The following ARHGAP39 variants were observed in gnomAD, a reference collection of about 807,000 sequenced individuals.
ARHGAP39 encodes Rho GTPase activating protein 39.
Under a neutral mutation model 106.9 loss-of-function variants are expected in ARHGAP39, and 44 were observed. The ratio of observed to expected loss-of-function variants is 0.41; its 90% CI spans 0.32 to 0.53. The LOEUF is 0.53. ARHGAP39 is among the 20% of genes least tolerant of loss of function. The probability of loss-of-function intolerance (pLI) is 0.21; values close to 1 mark genes in which losing one functional copy is unlikely to be tolerated. For missense variants in ARHGAP39, 1,496 were observed against 1,577.3 expected (o/e 0.95, Z 0.87); for synonymous variants, 768 against 693.2 (o/e 1.11, Z -1.69).
chr8:144,688,105 CTTT>C (rs201473241), upstream of ARHGAP39, among the ~76,000 whole-genome samples: 215 of 140,206 alleles, frequency 1.5e-3, 1 homozygote, highest in Middle Eastern at 0.019. Flanking sequence ...ACATTTAACT[CTTT>C]TTTTTTTTTT....
chr8:144,688,061 A>C (rs1822669056), upstream of ARHGAP39, among the ~76,000 whole-genome samples: 1 of 152,080 alleles, frequency 6.6e-6, no homozygotes, highest in African/African-American at 2.4e-5. Context: ...CCACACACTT[A>C]ACTAATTAAA....
intron 2 of ARHGAP39, among the ~76,000 whole-genome samples, chr8:144,592,080 A>G (rs1370301602): frequency 6.6e-6 from 1 of 152,194 alleles, no homozygotes; most frequent in East Asian, 1.9e-4. Context: ...AAGAAGTAAT[A>G]CCAATTGTTA....
rs368600508 is a variant in ARHGAP39 at position 144,649,341 on chromosome 8, T to C, written c.-82+36345A>G. 2.5e-3 allele frequency among the ~76,000 whole-genome samples: 385 copies of C among 151,842 alleles called. 2 individuals carry two copies. Among genetic ancestry groups the C allele is most frequent in the African/African-American group, 8.9e-3 (369 of 41,436 alleles). On this transcript the variant is annotated intron_variant, in intron 1 of 11. Transcript: ENST00000377307. ...GGCGGGCGCCTGTAGTCCCAGCTAC[T>C]TGGGAGGCTGAGGCAGGAGAATGGC...
At position 144,530,518 on chromosome 8, in the gene ARHGAP39, G is replaced by A; in HGVS notation, c.3249C>T (p.Asp1083=). 6.2e-7 allele frequency: 1 copy of A among 1,612,200 alleles called. No homozygotes were observed. The highest frequency in any genetic ancestry group is 8.5e-7 in the Non-Finnish European group (1 of 1,179,730). The change falls in exon 12 of 12, where the codon GAC becomes GAT. Residue 1083 remains aspartate (D), a synonymous_variant. Coordinates refer to ENST00000377307, the MANE Select transcript of ARHGAP39 (RefSeq NM_025251.3). ...APNCLRCQSD[D]PRVIFENTRK... ...GGGTGTTCTCGAAGATGACGCGCGGGTCGTCGGACTGGCAGCGCAAGCAGT... is the reference window on the plus strand; with the variant it reads ...GGGTGTTCTCGAAGATGACGCGCGGATCGTCGGACTGGCAGCGCAAGCAGT...
intron 2 of ARHGAP39, among the ~76,000 whole-genome samples, chr8:144,582,122 C>T (rs1819014643): frequency 6.6e-6 from 1 of 152,116 alleles, no homozygotes; most frequent in Admixed American, 6.5e-5. Context: ...TGCACTAATC[C>T]CAGGGGCTCA....
At chr8:144,533,001 G>T in intron 9 of ARHGAP39, 125 bp downstream of exon 9, 2 of 1,184,598 alleles carry the variant, frequency 1.7e-6, no homozygotes, top group Non-Finnish European at 2.4e-6. Flanking sequence ...CCTTCCATCT[G>T]CTCTCAGGTA....
chr8:144,679,702 C>T lies in ARHGAP39; in HGVS notation c.-82+5984G>A, dbSNP rs141059590. 2.7e-4 allele frequency among the ~76,000 whole-genome samples: 41 copies of T among 152,322 alleles called. No individual in the cohort carries two copies. The East Asian group carries it at 6.9e-3, about 26-fold the overall frequency. On this transcript the variant is annotated intron_variant, in intron 1 of 11. Coordinates refer to ENST00000377307, the MANE Select transcript of ARHGAP39 (RefSeq NM_025251.3). This position sits in a 1 kb window ranked among gnomAD's most constrained non-coding sequence, Gnocchi z 4.7. The stretch of plus-strand genomic sequence containing the variant: ...TTAGCTAGAAAATTAAAATCTAGGC[C>T]GGGCGCAGTGTCTCACGCCTGTAAT...
At chr8:144,610,604 C>T (rs1292895523) in intron 1 of ARHGAP39, among the ~76,000 whole-genome samples, 1 of 151,690 alleles carries the variant, frequency 6.6e-6, no homozygotes, top group Non-Finnish European at 1.5e-5. Flanking sequence ...CCCAGCAACT[C>T]GAAAGGCTGA....
chr8:144,532,253 A>C (rs1381015322), intron 10 of ARHGAP39, 52 bp downstream of exon 10: 2 of 1,571,064 alleles, frequency 1.3e-6, no homozygotes, highest in East Asian at 4.5e-5. Context: ...GGCCCCTGAG[A>C]ACCACTGCCT....
At chr8:144,648,601 C>A (rs1260038023) in intron 1 of ARHGAP39, among the ~76,000 whole-genome samples, 1 of 152,176 alleles carries the variant, frequency 6.6e-6, no homozygotes, top group Non-Finnish European at 1.5e-5. Flanking sequence ...AAGTTCCACT[C>A]AACAAGAACA....
At chr8:144,580,758 G>GGGGGGGGGGCCCCCCCC in intron 3 of ARHGAP39, 88 bp downstream of exon 3, 1 of 185,576 alleles carries the variant, frequency 5.4e-6, no homozygotes, top group Non-Finnish European at 1.1e-5. Flanking sequence ...CTCTCACCTG[G>GGGGGGGGGGCCCCCCCC]CCCCGCCCAC....
Position 144,555,418 on chromosome 8 carries a change from C to A in ARHGAP39, c.596+142G>T. On this transcript the variant is annotated intron_variant, in intron 4 of 11. Coordinates refer to ENST00000377307, the MANE Select transcript of ARHGAP39 (RefSeq NM_025251.3). The stretch of plus-strand genomic sequence containing the variant: ...AAGGGGCTCCTGTCCAGGCCCCTGG[C>A]CCTGTGGCCTCCACGGCCTTTCCAG... 14 of 747,776 alleles carry A rather than the reference C, an allele frequency of 1.9e-5. No individual in the cohort carries two copies. The South Asian group carries it at 2.2e-4, about 12-fold the overall frequency. The allele number at this position is 747,776 out of a possible 1,614,324, so 46.3% of individuals were successfully genotyped here. A position where few individuals can be genotyped will look rare whatever the true frequency, so the allele number is the denominator to read the frequency against.
chr8:144,628,608 C>A (rs1291323838), intron 1 of ARHGAP39, among the ~76,000 whole-genome samples: 1 of 152,180 alleles, frequency 6.6e-6, no homozygotes, highest in African/African-American at 2.4e-5. Context: ...GGTGGGCAGA[C>A]AACAAAACAA....
At chr8:144,680,780 A>G (rs966655206) in intron 1 of ARHGAP39, among the ~76,000 whole-genome samples, 1 of 152,246 alleles carries the variant, frequency 6.6e-6, no homozygotes, top group Admixed American at 6.5e-5. Context: ...CCAATGGATC[A>G]TAATAGCGGC....
chr8:144,544,171 GA>G (rs1383450582), intron 6 of ARHGAP39, among the ~76,000 whole-genome samples: 7 of 152,216 alleles, frequency 4.6e-5, no homozygotes, highest in Non-Finnish European at 1.0e-4. Flanking sequence ...ATCTTGTGTT[GA>G]AAAGTCGGGT....
At chr8:144,538,822 C>A (rs2086360) in intron 6 of ARHGAP39, among the ~76,000 whole-genome samples, 3,259 of 152,138 alleles carry the variant, frequency 0.021, 108 homozygotes, top group African/African-American at 0.075. Context: ...CCACCCACCT[C>A]GGCCTCCCAA....
intron 2 of ARHGAP39, among the ~76,000 whole-genome samples, chr8:144,598,418 A>T (rs937876268): frequency 3.3e-5 from 5 of 152,194 alleles, no homozygotes; most frequent in Admixed American, 2.6e-4. Flanking sequence ...GAAGGAGCAG[A>T]AGAGACTCTC....
chr8:144,636,726 C>T (rs1361368331), intron 1 of ARHGAP39, among the ~76,000 whole-genome samples: 2 of 152,196 alleles, frequency 1.3e-5, no homozygotes, highest in African/African-American at 2.4e-5. Context: ...CTTGGAGCAT[C>T]GCCGGGGTGA....
At chr8:144,611,486 T>G (rs1403846125) in intron 1 of ARHGAP39, among the ~76,000 whole-genome samples, 1 of 152,254 alleles carries the variant, frequency 6.6e-6, no homozygotes, top group Non-Finnish European at 1.5e-5. Context: ...TACTTCTCTT[T>G]GCACTATCAG....
Sources: allele counts gnomAD v4.1 joint callset (sites outside exome capture counted in the v4.1 genomes callset), GRCh38; gene constraint gnomAD v4.1.1; non-coding constraint Gnocchi (gnomAD v3.1); transcripts MANE v1.5; gene names NCBI Gene and HGNC (gene_info 2026-07-23, HGNC 2026-07-21).